PCDHGA4: variants seen among roughly 807,000 people sequenced by gnomAD.
PCDHGA4 encodes protocadherin gamma-A4.
PCDHGA4 carries 38 observed loss-of-function variants against 54.6 expected under a neutral mutation model. The ratio of observed to expected loss-of-function variants is 0.70; its 90% confidence interval spans 0.54 to 0.91. PCDHGA4 has a LOEUF of 0.91. Among genes scored for constraint, PCDHGA4 ranks in the 40% least tolerant of loss-of-function variants. PCDHGA4 has a pLI of 0.00. For missense variants in PCDHGA4, 1,298 were observed against 1,220.9 expected (o/e 1.06, Z -0.94); for synonymous variants, 511 against 512.9 (o/e 1.00, Z 0.05).
At chr5:141,362,396 T>A (rs1251687072) in intron 1 of PCDHGA4, 1 of 1,613,940 alleles carries the variant, frequency 6.2e-7, no homozygotes, top group African/African-American at 1.3e-5. Flanking sequence ...TCCTACAACC[T>A]GTGTGTTGCC....
At position 141,486,878 on chromosome 5, in the gene PCDHGA4, C is replaced by T. The variant is rs772994346; in HGVS notation, c.2515-7929C>T. ...CAATGCTCCAGCTGTGCTCCGTCCT[C>T]GGGCCCGGCCTGGTTCCTTATGTCC... On this transcript the variant is annotated intron_variant, in intron 1 of 3. Transcript: ENST00000571252. The surrounding 1 kb of genome is among the most constrained non-coding windows in gnomAD (Gnocchi z 5.0). 3.0e-5 allele frequency: 49 copies of T among 1,614,114 alleles called. No homozygotes were observed. The highest frequency in any genetic ancestry group is 4.4e-5 in the South Asian group (4 of 91,088).
rs933089146 is a variant in PCDHGA4, at chr5:141,490,786, A to G, written c.2515-4021A>G. ...GTATGTCAACCCAGAGGATGGACGGATCTTTGCCCAGCGTACCTTTGACTA... is the reference window on the plus strand; with the variant it reads ...GTATGTCAACCCAGAGGATGGACGGGTCTTTGCCCAGCGTACCTTTGACTA... On this transcript the variant is annotated intron_variant, in intron 1 of 3. Coordinates refer to ENST00000571252, the MANE Select transcript of PCDHGA4 (RefSeq NM_018917.4). This position sits in a 1 kb window ranked among gnomAD's most constrained non-coding sequence, Gnocchi z 5.4. The G allele has an allele frequency of 1.9e-6, 3 of 1,614,056 alleles. No individual in the cohort carries two copies. The highest frequency in any genetic ancestry group is 1.7e-5 in the Admixed American group (1 of 60,016).
At chr5:141,362,011 G>A (rs1294882056) in intron 1 of PCDHGA4, 7 of 1,606,172 alleles carry the variant, frequency 4.4e-6, no homozygotes, top group African/African-American at 1.3e-5. Context: ...CACGGGTGAG[G>A]TGCGCACAGC....
Position 141,399,638 on chromosome 5 carries a change from G to A in PCDHGA4, c.2514+42017G>A, listed in dbSNP as rs1180030777. The A allele has an allele frequency of 3.7e-6, 6 of 1,613,860 alleles. No individual in the cohort carries two copies. The highest frequency in any genetic ancestry group is 1.3e-5 in the African/African-American group (1 of 75,082). ...GCACTGGCCTCTTACGTGTCCATGAGCGCGCAAAGTGGGGTGGTGTTCGCG... is the reference window on the plus strand; with the variant it reads ...GCACTGGCCTCTTACGTGTCCATGAACGCGCAAAGTGGGGTGGTGTTCGCG... On this transcript the variant is annotated intron_variant, in intron 1 of 3. Coordinates refer to ENST00000571252, the MANE Select transcript of PCDHGA4 (RefSeq NM_018917.4).
At chr5:141,363,397 A>C (rs571483394) in intron 1 of PCDHGA4, among the ~76,000 whole-genome samples, 8 of 152,204 alleles carry the variant, frequency 5.3e-5, no homozygotes, top group Non-Finnish European at 1.2e-4. Flanking sequence ...GTTGTCATAT[A>C]AAGATGATAG....
chr5:141,384,986 C>T (rs867210871), intron 1 of PCDHGA4: 11 of 1,613,988 alleles, frequency 6.8e-6, no homozygotes, highest in Middle Eastern at 1.6e-4. Flanking sequence ...CTGGTGGTGG[C>T]GGTGGCCACA....
chr5:141,398,708 T>A, intron 1 of PCDHGA4: 2 of 1,613,886 alleles, frequency 1.2e-6, no homozygotes, highest in Non-Finnish European at 1.7e-6. Context: ...TACCCGGAAC[T>A]GGCACTGGAG....
Position 141,489,941 on chromosome 5 carries a change from A to G in PCDHGA4, c.2515-4866A>G. Reference sequence around the variant, plus strand: ...ACCCTTATCTCTGTCATCGTGCTGGACATCAATGATAATGCTCCAACCTTC... The same window carrying G: ...ACCCTTATCTCTGTCATCGTGCTGGGCATCAATGATAATGCTCCAACCTTC... On this transcript the variant is annotated intron_variant, in intron 1 of 3. Transcript: ENST00000571252. The surrounding 1 kb of genome is among the most constrained non-coding windows in gnomAD (Gnocchi z 4.5). 1.2e-6 allele frequency: 2 copies of G among 1,614,228 alleles called. No homozygotes were observed. The highest frequency in any genetic ancestry group is 1.7e-6 in the Non-Finnish European group (2 of 1,180,034).
In PCDHGA4 at chr5:141,382,780, A is replaced by G. The variant is rs1050419701; in HGVS notation, c.2514+25159A>G. On this transcript the variant is annotated intron_variant, in intron 1 of 3. Coordinates refer to ENST00000571252, the MANE Select transcript of PCDHGA4 (RefSeq NM_018917.4). ...CCCTCTTCCAGGCTGCACTAAACTC[A>G]AGCCTCTATCCTGCTGGATTCTGAG... 10 of 836,240 alleles carry G rather than the reference A, an allele frequency of 1.2e-5. No homozygotes were observed. The South Asian group carries it at 2.0e-4, about 17-fold the overall frequency. 51.8% of individuals were successfully genotyped at this position (836,240 alleles called of 1,614,324 possible). A position where few individuals can be genotyped will look rare whatever the true frequency, so the allele number is the denominator to read the frequency against.
chr5:141,411,536 A>G (rs1333872781), intron 1 of PCDHGA4: 1 of 152,248 alleles, frequency 6.6e-6, no homozygotes, highest in Admixed American at 6.5e-5. Context: ...GTGAGCCCTG[A>G]TCTTGCCACT....
chr5:141,509,602 C>T (rs921950654), intron 3 of PCDHGA4, among the ~76,000 whole-genome samples: 8 of 152,194 alleles, frequency 5.3e-5, no homozygotes, highest in Non-Finnish European at 8.8e-5. Context: ...TTCCGAGAGG[C>T]TGCATTCTAA....
chr5:141,426,375 G>A, intron 1 of PCDHGA4: 2 of 216,424 alleles, frequency 9.2e-6, no homozygotes, highest in South Asian at 7.8e-5. Flanking sequence ...GGGCACCCTC[G>A]GAGCAGATCC....
intron 1 of PCDHGA4, chr5:141,366,919 ATTCTGTTT>A: frequency 1.8e-6 from 2 of 1,085,760 alleles, no homozygotes; most frequent in Non-Finnish European, 2.5e-6. Flanking sequence ...TTGTTTTCAA[ATTCTGTTT>A]TGGGAAGTCT....
chr5:141,480,225 G>A (rs1217912404), intron 1 of PCDHGA4, among the ~76,000 whole-genome samples: 1 of 147,152 alleles, frequency 6.8e-6, no homozygotes, highest in East Asian at 2.0e-4. Flanking sequence ...GCGACATAGT[G>A]AGATCCTGTC....
chr5:141,443,436 T>A (rs1435598893), intron 1 of PCDHGA4, among the ~76,000 whole-genome samples: 1 of 152,132 alleles, frequency 6.6e-6, no homozygotes, highest in Admixed American at 6.6e-5. Context: ...CAGTGAGCTG[T>A]GGTTGCGCTC....
Position 141,431,826 on chromosome 5 carries a change from TTCCCGAAAACTC to T in PCDHGA4, c.2515-62976_2515-62965del, listed in dbSNP as rs755346532. ...GTCCTCACCTCTCTCGCCAGCTCGGTTCCCGAAAACTCTCCCAGAGGGACATTAATTGCCCTT... is the reference window on the plus strand; with the variant it reads ...GTCCTCACCTCTCTCGCCAGCTCGGTTCCCAGAGGGACATTAATTGCCCTT... On this transcript the variant is annotated intron_variant, in intron 1 of 3. Transcript: ENST00000571252. The surrounding 1 kb of genome is among the most constrained non-coding windows in gnomAD (Gnocchi z 4.8). The T allele has an allele frequency of 4.3e-6, 7 of 1,614,102 alleles. No individual in the cohort carries two copies. Among genetic ancestry groups the T allele is most frequent in the Admixed American group, 1.7e-5 (1 of 60,006 alleles).
intron 1 of PCDHGA4, chr5:141,365,647 C>T: frequency 1.9e-6 from 3 of 1,613,544 alleles, no homozygotes; most frequent in Non-Finnish European, 2.5e-6. Flanking sequence ...GCCACATCCC[C>T]TTGAAAGTAG....
chr5:141,404,984 C>A (rs779919758), intron 1 of PCDHGA4: 1 of 1,614,034 alleles, frequency 6.2e-7, no homozygotes, highest in Middle Eastern at 1.6e-4. Flanking sequence ...CCTGGGCAGT[C>A]TTCAGATCCC....
Position 141,489,576 on chromosome 5 carries a change from C to G in PCDHGA4, c.2515-5231C>G. 6.2e-7 allele frequency: 1 copy of G among 1,614,054 alleles called. No individual in the cohort carries two copies. Among genetic ancestry groups the G allele is most frequent in the Non-Finnish European group, 8.5e-7 (1 of 1,179,976 alleles). On this transcript the variant is annotated intron_variant, in intron 1 of 3. Coordinates refer to ENST00000571252, the MANE Select transcript of PCDHGA4 (RefSeq NM_018917.4). This position sits in a 1 kb window ranked among gnomAD's most constrained non-coding sequence, Gnocchi z 4.5. ...TGCCAGTGCAGGTGGTGACTGAACA[C>G]CCCCTGGAGCTAATCCGTGTAGAGG...
Sources: gnomAD v4.1 joint callset for allele counts (sites outside exome capture counted in the v4.1 genomes callset) on GRCh38, gnomAD v4.1.1 for gene constraint, Gnocchi (gnomAD v3.1) non-coding constraint, MANE v1.5 for transcripts, NCBI Gene and HGNC (gene_info 2026-07-23, HGNC 2026-07-21) for gene names.